The following MDN1 variants were observed in gnomAD, a reference collection of about 807,000 sequenced individuals.
MDN1 encodes midasin.
A neutral mutation model predicts 669.2 loss-of-function variants in MDN1; 266 were observed. The observed-to-expected ratio is 0.40, with a 90% CI of 0.36 to 0.44. The LOEUF (loss-of-function observed/expected upper bound fraction) is 0.44, where lower values mean the gene tolerates loss of function less well. Ranked by LOEUF, MDN1 falls within the 20% of genes least tolerant of loss-of-function variation. The pLI is 1.00. For synonymous variants in MDN1, 2,385 were observed against 2,457.1 expected (o/e 0.97, Z 0.87); for missense variants, 5,940 against 6,754.0 (o/e 0.88, Z 4.22).
chr6:89,677,036 G>GGCA (rs531665117), intron 76 of MDN1, among the ~76,000 whole-genome samples: 1 of 148,370 alleles, frequency 6.7e-6, no homozygotes, highest in South Asian at 2.2e-4. Flanking sequence ...AAAAAAAAAG[G>GGCA]GAAGAAGAAG....
At chr6:89,817,839 A>AAC (rs2128333643) in intron 1 of MDN1, among the ~76,000 whole-genome samples, 1 of 2,252 alleles carries the variant, frequency 4.4e-4, no homozygotes, top group African/African-American at 5.8e-4. Context: ...TACGACGGAT[A>AAC]ACTGTTGTAA....
At chr6:89,707,700 G>T (rs1399045293) in intron 51 of MDN1, among the ~76,000 whole-genome samples, 2 of 152,144 alleles carry the variant, frequency 1.3e-5, no homozygotes, top group Non-Finnish European at 2.9e-5. Context: ...CAGACTCCCA[G>T]GCCTTGGTCT....
At chr6:89,678,347 T>A (rs535151615) in intron 75 of MDN1, among the ~76,000 whole-genome samples, 133 of 151,894 alleles carry the variant, frequency 8.8e-4, no homozygotes, top group African/African-American at 2.6e-3. Flanking sequence ...ATAAAATTAA[T>A]TAAATAAATA....
At chr6:89,717,337 G>A (rs1334058713) in intron 43 of MDN1, among the ~76,000 whole-genome samples, 1 of 151,982 alleles carries the variant, frequency 6.6e-6, no homozygotes, top group Non-Finnish European at 1.5e-5. Flanking sequence ...AATACACATT[G>A]GATTTCTACT....
intron 2 of MDN1, 128 bp downstream of exon 2, chr6:89,803,200 C>G: frequency 1.1e-5 from 9 of 794,438 alleles, no homozygotes; most frequent in Non-Finnish European, 1.7e-5. Context: ...TTTTATAAAA[C>G]AATACTATTT....
chr6:89,685,554 C>A (rs915311178), intron 70 of MDN1, among the ~76,000 whole-genome samples: 1 of 152,138 alleles, frequency 6.6e-6, no homozygotes, highest in African/African-American at 2.4e-5. Context: ...AATGTCTAGA[C>A]AGAGAGATGT....
intron 2 of MDN1, among the ~76,000 whole-genome samples, chr6:89,795,063 T>A (rs1458120475): frequency 6.6e-6 from 1 of 152,216 alleles, no homozygotes; most frequent in African/African-American, 2.4e-5. Flanking sequence ...AATTGTATCC[T>A]GTTCAATTTC....
In MDN1 at chr6:89,672,697, G is replaced by T; in HGVS notation, c.13480C>A (p.Gln4494Lys). The T allele has an allele frequency of 6.2e-7, 1 of 1,613,500 alleles. No individual in the cohort carries two copies. The highest frequency in any genetic ancestry group is 8.5e-7 in the Non-Finnish European group (1 of 1,179,846). ...LLTSDSQGGN[Q>K]MLDEGFVEDF... ...TCCACAAATCCTTCGTCCAACATTT[G>T]ATTTCCTAGCAGGTAACATGGTGCA... The change falls in exon 81 of 102, where the codon CAA becomes AAA. Residue 4494 changes from glutamine to lysine, a missense_variant. By Grantham distance (53) the Gln-to-Lys change is moderately conservative (BLOSUM62 1). Around this residue, in one of 5 missense-constraint regions of MDN1, gnomAD observed 2,280 missense variants for 2,576.3 expected, o/e 0.88. Coordinates refer to ENST00000369393, the MANE Select transcript of MDN1 (RefSeq NM_014611.3).
chr6:89,663,159 G>A (rs1809928060), intron 85 of MDN1, among the ~76,000 whole-genome samples, 192 bp from the exon 86 acceptor site: 1 of 152,194 alleles, frequency 6.6e-6, no homozygotes, highest in Non-Finnish European at 1.5e-5. Context: ...CAAAGTAGAG[G>A]TACAAGGAAG....
At chr6:89,693,728 A>C (rs4707560) in intron 62 of MDN1, among the ~76,000 whole-genome samples, 127,857 of 152,124 alleles carry the variant, frequency 0.84, 53,936 homozygotes, top group East Asian at 1. Context: ...TGGTCCCAGG[A>C]ATTTTGGATA....
At chr6:89,719,433 T>C (rs1040976873) in intron 40 of MDN1, among the ~76,000 whole-genome samples, 1 of 152,200 alleles carries the variant, frequency 6.6e-6, no homozygotes, top group Non-Finnish European at 1.5e-5. Context: ...ATTGAGAACA[T>C]AGCAGTCATA....
chr6:89,715,599 C>T, intron 45 of MDN1, 54 bp downstream of exon 45: 1 of 1,077,650 alleles, frequency 9.3e-7, no homozygotes, highest in Non-Finnish European at 1.4e-6. Context: ...GAACGTCTAC[C>T]TCTGCTACTG....
At chr6:89,738,214 T>C in intron 33 of MDN1, 112 bp downstream of exon 33, 1 of 1,258,146 alleles carries the variant, frequency 7.9e-7, no homozygotes, top group Non-Finnish European at 1.1e-6. Context: ...TCTCCTTTCT[T>C]CTTATAACAC....
At chr6:89,771,076 C>T (rs1818056063) in intron 15 of MDN1, among the ~76,000 whole-genome samples, 1 of 152,124 alleles carries the variant, frequency 6.6e-6, no homozygotes, top group African/African-American at 2.4e-5. Context: ...ATTCAAAGCA[C>T]CATACACACT....
chr6:89,655,372 G>T (rs549363700), intron 92 of MDN1, among the ~76,000 whole-genome samples: 11 of 152,236 alleles, frequency 7.2e-5, no homozygotes, highest in African/African-American at 2.6e-4. Flanking sequence ...TGACTAAGAA[G>T]AAAGAAATGT....
chr6:89,767,742 G>A (rs1046079237), intron 15 of MDN1, among the ~76,000 whole-genome samples: 2 of 151,408 alleles, frequency 1.3e-5, no homozygotes, highest in African/African-American at 4.9e-5. Context: ...GACAACAAGA[G>A]CAAAACTCTC....
chr6:89,798,415 T>C (rs1175933321), intron 2 of MDN1, among the ~76,000 whole-genome samples: 6 of 151,636 alleles, frequency 4.0e-5, no homozygotes, highest in African/African-American at 1.5e-4. Context: ...GGCAGGAGAA[T>C]CACTTGAACC....
rs749934380 is a variant in MDN1 at position 89,689,888 on chromosome 6, G to A, written c.11005C>T (p.His3669Tyr). 7 of 1,613,998 alleles carry A rather than the reference G, an allele frequency of 4.3e-6. No homozygotes were observed. The highest frequency in any genetic ancestry group is 5.9e-6 in the Non-Finnish European group (7 of 1,180,016). The part of the protein sequence containing the change: ...CYQTGASLVT[H>Y]FYPLMGVELN... ...ACCATACCCATCAGGGGGTAGAAGT[G>A]TGTCACAAGCGATGCCCCAGTCTGA... Residue 3669 changes from histidine to tyrosine, a missense_variant, in exon 65 of 102, where the codon CAC (histidine) becomes TAC (tyrosine). His to Tyr is a moderately conservative substitution (Grantham distance 83). Around this residue, in one of 5 missense-constraint regions of MDN1, gnomAD observed 2,280 missense variants for 2,576.3 expected, o/e 0.88. Transcript: ENST00000369393.
rs748050699 is a variant in MDN1, at chr6:89,776,650, G to A, written c.1771C>T (p.Leu591=). The change falls in exon 12 of 102, where the codon CTG becomes TTG. Residue 591 remains leucine (L), a synonymous_variant. Transcript: ENST00000369393. ...CTTCCAATAACTTCTGCCATTTTCA[G>A]TTTGCTTGTATGCTCAGAAAGCATT... ...TAMLSEHTSK[L]KMAEVIGSKL... 3.4e-5 allele frequency: 55 copies of A among 1,613,342 alleles called. No homozygotes were observed. Among genetic ancestry groups the A allele is most frequent in the Non-Finnish European group, 4.6e-5 (54 of 1,179,578 alleles).
Sources: gnomAD v4.1 joint callset for allele counts (sites outside exome capture counted in the v4.1 genomes callset) on GRCh38, gnomAD v4.1.1 for gene constraint, gnomAD v4.1.1 regional missense constraint, MANE v1.5 for transcripts, NCBI Gene and HGNC (gene_info 2026-07-23, HGNC 2026-07-21) for gene names.